The following R3HDM2 variants were observed in gnomAD, a reference collection of about 807,000 sequenced individuals.
R3HDM2 encodes the protein R3H domain containing 2.
Under a neutral mutation model 124.5 loss-of-function variants are expected in R3HDM2, and 38 were observed. The ratio of observed to expected loss-of-function variants is 0.31; its 90% CI spans 0.24 to 0.40. R3HDM2 has a LOEUF of 0.40. Ranked by LOEUF, R3HDM2 falls within the 10% of genes least tolerant of loss-of-function variation. R3HDM2 has a pLI of 1.00. For missense variants in R3HDM2, 869 were observed against 1,236.9 expected (o/e 0.70, Z 4.46); for synonymous variants, 391 against 448.0 (o/e 0.87, Z 1.61).
rs909993256 is a variant in R3HDM2, at chr12:57,258,150, G to C, written c.2302-13C>G. The C allele has an allele frequency of 2.6e-6, 4 of 1,518,556 alleles. No homozygotes were observed. The African/African-American group carries it at 4.1e-5, about 15-fold the overall frequency. 94.1% of individuals were successfully genotyped at this position (1,518,556 alleles called of 1,614,324 possible). The stretch of plus-strand genomic sequence containing the variant: ...TTTGTGTGTTGGCCTGTGGAAAAGA[G>C]GAGCACACGTCACATAAACATCAAA... On this transcript the variant is annotated splice_polypyrimidine_tract_variant and intron_variant, in intron 20 of 23. Coordinates refer to ENST00000402412, the MANE Select transcript of R3HDM2 (RefSeq NM_001394031.1).
intron 2 of R3HDM2, among the ~76,000 whole-genome samples, chr12:57,317,383 C>T (rs879775958): frequency 5.3e-5 from 8 of 151,772 alleles, no homozygotes; most frequent in Non-Finnish European, 1.0e-4. Flanking sequence ...TGGGGTTTTG[C>T]CATGTCACCC....
intron 2 of R3HDM2, among the ~76,000 whole-genome samples, chr12:57,346,785 A>G (rs545778841): frequency 5.3e-5 from 8 of 152,220 alleles, no homozygotes; most frequent in Non-Finnish European, 7.3e-5. Context: ...GTTCCTTAAA[A>G]TGTTTGATGT....
At chr12:57,258,849 G>A (rs144980573) in intron 20 of R3HDM2, 41 bp downstream of exon 20, 41 of 1,449,732 alleles carry the variant, frequency 2.8e-5, no homozygotes, top group African/African-American at 1.2e-4. Flanking sequence ...GGAAGAATAC[G>A]GTCATCTCCT....
chr12:57,362,428 TTTAATCAACTGTTTATGG>T (rs1447566604), intron 2 of R3HDM2, among the ~76,000 whole-genome samples: 3 of 152,266 alleles, frequency 2.0e-5, no homozygotes, highest in African/African-American at 7.2e-5. Flanking sequence ...CAAAATATGT[TTTAATCAACTGTTTATGG>T]TTATTGTTAA....
At chr12:57,412,962 T>G (rs1418713876) in intron 1 of R3HDM2, among the ~76,000 whole-genome samples, 1 of 151,730 alleles carries the variant, frequency 6.6e-6, no homozygotes, top group Non-Finnish European at 1.5e-5. Context: ...CCATCCTGGC[T>G]AACACAGTGA....
intron 2 of R3HDM2, among the ~76,000 whole-genome samples, chr12:57,367,284 T>C (rs1361930594): frequency 2.0e-5 from 3 of 152,198 alleles, no homozygotes; most frequent in Admixed American, 6.5e-5. Context: ...AAAGCATCCA[T>C]GACAGGAAAG....
chr12:57,324,008 C>G (rs2056881637), intron 2 of R3HDM2, among the ~76,000 whole-genome samples: 1 of 151,880 alleles, frequency 6.6e-6, no homozygotes, highest in Admixed American at 6.6e-5. Flanking sequence ...GAAACTGTTT[C>G]CAACTCAACC....
intron 2 of R3HDM2, among the ~76,000 whole-genome samples, chr12:57,384,594 A>T (rs1404064604): frequency 6.6e-6 from 1 of 152,222 alleles, no homozygotes; most frequent in Non-Finnish European, 1.5e-5. Flanking sequence ...TCAGAGCTGC[A>T]AGTATTGCAT....
intron 2 of R3HDM2, among the ~76,000 whole-genome samples, chr12:57,378,467 C>A (rs186988898): frequency 3.2e-4 from 49 of 152,122 alleles, no homozygotes; most frequent in Admixed American, 1.7e-3. Context: ...GCAGCCTTAA[C>A]CCCAGGCTCA....
At position 57,394,947 on chromosome 12, in the gene R3HDM2, C is replaced by T. The variant is rs146635968; in HGVS notation, c.-36+802G>A. 2.0e-3 allele frequency among the ~76,000 whole-genome samples: 309 copies of T among 152,268 alleles called. 2 individuals are homozygous for T. Among genetic ancestry groups the T allele is most frequent in the African/African-American group, 6.9e-3 (285 of 41,544 alleles). On this transcript the variant is annotated intron_variant, in intron 2 of 23. Coordinates refer to ENST00000402412, the MANE Select transcript of R3HDM2 (RefSeq NM_001394031.1). ...TTATAAGGCTGGGCGCGGTGGCTCA[C>T]GCCTGTAAACCCAGCACTTTGGGAG...
Position 57,288,976 on chromosome 12 carries a change from T to A in R3HDM2, c.938+33A>T. 5 of 1,548,358 alleles carry A rather than the reference T, an allele frequency of 3.2e-6. No individual in the cohort carries two copies. The African/African-American group carries it at 5.5e-5, about 17-fold the overall frequency. On this transcript the variant is annotated intron_variant, in intron 12 of 23. Coordinates refer to ENST00000402412, the MANE Select transcript of R3HDM2 (RefSeq NM_001394031.1). The stretch of plus-strand genomic sequence containing the variant: ...TATTAACCTCACTGGCAAAGCTCAA[T>A]GAGAAGCAGGGAACATGCTAAGTGG...
Position 57,427,188 on chromosome 12 carries a change from G to A in R3HDM2, c.-106+3532C>T, listed in dbSNP as rs548321161. On this transcript the variant is annotated intron_variant, in intron 1 of 23. Transcript: ENST00000402412. ...TGCCTGTAATCCTAGCTACTCAGGA[G>A]GCTGAGGCAGGACAATCACTTGAAC... Among the ~76,000 whole-genome samples, 38 of 151,978 alleles carry A rather than the reference G, an allele frequency of 2.5e-4. No homozygotes were observed. In the East Asian group the frequency reaches 6.9e-3, roughly 27 times the overall value.
intron 1 of R3HDM2, among the ~76,000 whole-genome samples, chr12:57,414,365 C>G (rs1271961547): frequency 6.8e-6 from 1 of 148,106 alleles, no homozygotes; most frequent in Admixed American, 6.7e-5. Context: ...GTGATGCGCA[C>G]CTGTCATCCT....
intron 2 of R3HDM2, among the ~76,000 whole-genome samples, chr12:57,362,043 G>C (rs1483194643): frequency 6.6e-6 from 1 of 152,110 alleles, no homozygotes; most frequent in Non-Finnish European, 1.5e-5. Context: ...GAGGTGGGAG[G>C]ATTGCTTGAG....
intron 10 of R3HDM2, among the ~76,000 whole-genome samples, chr12:57,294,965 C>G (rs1216309652): frequency 1.3e-5 from 2 of 152,164 alleles, no homozygotes; most frequent in African/African-American, 4.8e-5. Flanking sequence ...TTTGCCAGTT[C>G]AAGGCTAGCC....
At chr12:57,271,451 C>CACACAT (rs933567739) in intron 14 of R3HDM2, among the ~76,000 whole-genome samples, 2 of 151,990 alleles carry the variant, frequency 1.3e-5, no homozygotes, top group African/African-American at 4.8e-5. Flanking sequence ...CACACACACA[C>CACACAT]ACACACACAC....
chr12:57,285,911 C>T (rs2047224701), intron 12 of R3HDM2, among the ~76,000 whole-genome samples: 2 of 152,194 alleles, frequency 1.3e-5, no homozygotes, highest in African/African-American at 4.8e-5. Flanking sequence ...CACTTCTATA[C>T]TAATCCAGTT....
rs1212781487 is a variant in R3HDM2 at position 57,279,178 on chromosome 12, CTTTT to C, written c.1344+1176_1344+1179del. On this transcript the variant is annotated intron_variant, in intron 14 of 23. Transcript: ENST00000402412. ...AGCTCTGCTCGGAGTATTAAGGTGA[CTTTT>C]TTTTTTTTTTTTTTTTTTGAGACAG... Among the ~76,000 whole-genome samples, 7 of 114,920 alleles carry C rather than the reference CTTTT, an allele frequency of 6.1e-5. No individual in the cohort carries two copies. The East Asian group carries it at 8.1e-4, about 13-fold the overall frequency. 75.4% of individuals were successfully genotyped at this position (114,920 alleles called of 152,430 possible). A position where few individuals can be genotyped will look rare whatever the true frequency, so the allele number is the denominator to read the frequency against.
chr12:57,302,528 TGGTGGCG>T (rs1166133927), intron 4 of R3HDM2, among the ~76,000 whole-genome samples: 2 of 151,740 alleles, frequency 1.3e-5, no homozygotes, highest in Non-Finnish European at 2.9e-5. Flanking sequence ...TAGCCAGGCA[TGGTGGCG>T]GGCGCCTGTA....
Sources: allele counts gnomAD v4.1 joint callset (sites outside exome capture counted in the v4.1 genomes callset), GRCh38; gene constraint gnomAD v4.1.1; transcripts MANE v1.5; gene names NCBI Gene and HGNC (gene_info 2026-07-23, HGNC 2026-07-21).